ABHD17C: variants seen among roughly 807,000 people sequenced by gnomAD.
ABHD17C encodes the protein abhydrolase domain containing 17C, depalmitoylase, also known as alpha/beta hydrolase domain-containing protein 17C.
ABHD17C carries 11 observed loss-of-function variants against 27.9 expected under a neutral mutation model. The observed-to-expected ratio is 0.39, with a 90% confidence interval of 0.25 to 0.65. The LOEUF (loss-of-function observed/expected upper bound fraction) is 0.65, where lower values mean the gene tolerates loss of function less well. Among genes scored for constraint, ABHD17C ranks in the 30% least tolerant of loss-of-function variants. ABHD17C has a pLI of 0.45. For missense variants in ABHD17C, 280 were observed against 470.2 expected (o/e 0.60, Z 3.74); for synonymous variants, 233 against 209.1 (o/e 1.11, Z -0.98).
intron 1 of ABHD17C, among the ~76,000 whole-genome samples, chr15:80,713,777 C>G (rs1567032533): frequency 6.6e-6 from 1 of 151,844 alleles, no homozygotes; most frequent in Non-Finnish European, 1.5e-5. Context: ...CCATTGCACT[C>G]CAGCCTGAGT....
At chr15:80,754,104 A>G (rs764143830) in intron 2 of ABHD17C, 47 bp from the exon 3 acceptor site, 4 of 1,420,440 alleles carry the variant, frequency 2.8e-6, no homozygotes, top group Non-Finnish European at 4.0e-6. Context: ...ATCTGTGAGC[A>G]TAACTAATGG....
chr15:80,754,663 G>A lies in ABHD17C; in HGVS notation c.*293G>A, dbSNP rs545749026. 23 of 285,800 alleles carry A rather than the reference G, an allele frequency of 8.0e-5. No homozygotes were observed. Among genetic ancestry groups the A allele is most frequent in the African/African-American group, 4.5e-4 (21 of 46,346 alleles). 17.7% of individuals were successfully genotyped at this position (285,800 alleles called of 1,614,324 possible). On this transcript the variant is annotated 3_prime_UTR_variant, in exon 3 of 3. Transcript: ENST00000258884. Reference sequence around the variant, plus strand: ...TTCTAGTGCTGTATAAAGTAGCCTCGCATCTGTTTCTCAACCTTATCCATC... The same window carrying A: ...TTCTAGTGCTGTATAAAGTAGCCTCACATCTGTTTCTCAACCTTATCCATC...
intron 2 of ABHD17C, among the ~76,000 whole-genome samples, chr15:80,751,947 C>T (rs1290233509): frequency 6.6e-6 from 1 of 152,226 alleles, no homozygotes; most frequent in Non-Finnish European, 1.5e-5. Context: ...ATCTGTGTCC[C>T]TCTCCTTAAA....
intron 1 of ABHD17C, chr15:80,704,795 C>T (rs1321126758): frequency 6.6e-6 from 1 of 152,186 alleles, no homozygotes; most frequent in Non-Finnish European, 1.5e-5. Context: ...CTCAGTCTGA[C>T]AAGAGAGCAT....
At chr15:80,713,829 A>G (rs16954090) in intron 1 of ABHD17C, among the ~76,000 whole-genome samples, 2,999 of 151,680 alleles carry the variant, frequency 0.02, 94 homozygotes, top group East Asian at 0.087. Context: ...AACAAAAAAC[A>G]TTGAGGTACA....
At chr15:80,735,520 C>T (rs981846197) in intron 1 of ABHD17C, among the ~76,000 whole-genome samples, 12 of 152,138 alleles carry the variant, frequency 7.9e-5, no homozygotes, top group Admixed American at 4.6e-4. Flanking sequence ...ATCTTGTGTG[C>T]GTTCCCAAGC....
intron 1 of ABHD17C, among the ~76,000 whole-genome samples, chr15:80,729,724 A>G (rs1895030851): frequency 6.6e-6 from 1 of 152,200 alleles, no homozygotes; most frequent in Non-Finnish European, 1.5e-5. Context: ...CGAGGAAAGG[A>G]ACTTGCACGT....
In ABHD17C at chr15:80,717,139, GT is replaced by G. The variant is rs555877315; in HGVS notation, c.590+21126del. ...AGTTATATTTTTATTTTTATTAATAGTTTTTTAAATGACATTTATTTCTGGG... is the reference window on the plus strand; with the variant it reads ...AGTTATATTTTTATTTTTATTAATAGTTTTTAAATGACATTTATTTCTGGG... On this transcript the variant is annotated intron_variant, in intron 1 of 2. Transcript: ENST00000258884. 3.4e-4 allele frequency among the ~76,000 whole-genome samples: 51 copies of G among 151,060 alleles called. 2 individuals carry two copies. In the South Asian group the frequency reaches 0.01, roughly 31 times the overall value.
At chr15:80,712,400 AG>A (rs1377364326) in intron 1 of ABHD17C, among the ~76,000 whole-genome samples, 5 of 152,216 alleles carry the variant, frequency 3.3e-5, no homozygotes, top group Non-Finnish European at 7.3e-5. Flanking sequence ...GTTCCTCTCT[AG>A]GCATGGATGT....
intron 2 of ABHD17C, among the ~76,000 whole-genome samples, 199 bp from the exon 3 acceptor site, chr15:80,753,952 C>T (rs1895398233): frequency 6.6e-6 from 1 of 152,152 alleles, no homozygotes; most frequent in Non-Finnish European, 1.5e-5. Context: ...GTACCTTCCT[C>T]TCAGTTATGC....
intron 1 of ABHD17C, among the ~76,000 whole-genome samples, chr15:80,727,585 TG>T (rs1232172705): frequency 1.3e-5 from 2 of 151,994 alleles, no homozygotes; most frequent in African/African-American, 2.4e-5. Flanking sequence ...CAGCAAGTAT[TG>T]GGTGAGCAAA....
intron 1 of ABHD17C, 70 bp from the exon 2 acceptor site, chr15:80,749,443 C>T (rs984730552): frequency 1.1e-5 from 17 of 1,506,656 alleles, no homozygotes; most frequent in Middle Eastern, 3.8e-4. Flanking sequence ...GTTTAAGAGG[C>T]GGGTTTCTCT....
intron 2 of ABHD17C, among the ~76,000 whole-genome samples, chr15:80,750,255 A>G (rs1399017301): frequency 1.3e-5 from 2 of 152,230 alleles, no homozygotes; most frequent in African/African-American, 4.8e-5. Context: ...TCTTCGGTAA[A>G]TAGCCACAGG....
Position 80,754,746 on chromosome 15 carries a change from A to C in ABHD17C, c.*376A>C, listed in dbSNP as rs1895411883. The C allele has an allele frequency of 5.7e-6, 1 of 174,392 alleles. No individual in the cohort carries two copies. Among genetic ancestry groups the C allele is most frequent in the African/African-American group, 2.4e-5 (1 of 42,148 alleles). The allele number at this position is 174,392 out of a possible 1,614,324, so 10.8% of individuals were successfully genotyped here. A position where few individuals can be genotyped will look rare whatever the true frequency, so the allele number is the denominator to read the frequency against. The stretch of plus-strand genomic sequence containing the variant: ...GCCACCAATGTTCTCGGTATTTCAC[A>C]TGCAGCTCTCTTTCTGCCACTGGAT... On this transcript the variant is annotated 3_prime_UTR_variant, in exon 3 of 3. Coordinates refer to ENST00000258884, the MANE Select transcript of ABHD17C (RefSeq NM_021214.2).
At chr15:80,721,173 G>T in intron 1 of ABHD17C, among the ~76,000 whole-genome samples, 1 of 148,722 alleles carries the variant, frequency 6.7e-6, no homozygotes, top group African/African-American at 2.5e-5. Flanking sequence ...TTATTTTTGG[G>T]ACTGTGAGTT....
intron 1 of ABHD17C, among the ~76,000 whole-genome samples, chr15:80,715,247 C>A (rs369385471): frequency 1.3e-5 from 2 of 152,222 alleles, no homozygotes; most frequent in East Asian, 1.9e-4. Flanking sequence ...AGATTCCTCT[C>A]ACCATTTGGA....
chr15:80,716,516 G>A (rs897406513), intron 1 of ABHD17C, among the ~76,000 whole-genome samples: 2 of 152,078 alleles, frequency 1.3e-5, no homozygotes, highest in Non-Finnish European at 2.9e-5. Context: ...GAAGAGCTAC[G>A]ATCATGTCTA....
At chr15:80,734,275 A>G (rs1331858869) in intron 1 of ABHD17C, among the ~76,000 whole-genome samples, 2 of 152,164 alleles carry the variant, frequency 1.3e-5, no homozygotes, top group African/African-American at 4.8e-5. Context: ...GTGAGCCACC[A>G]TGTCTGGCCT....
intron 2 of ABHD17C, among the ~76,000 whole-genome samples, chr15:80,750,719 A>G (rs542863905): frequency 1.4e-4 from 22 of 152,260 alleles, no homozygotes; most frequent in African/African-American, 4.6e-4. Context: ...CTGCAGATTT[A>G]TAGTGGCGTG....
Sources: gnomAD v4.1 joint callset for allele counts (sites outside exome capture counted in the v4.1 genomes callset) on GRCh38, gnomAD v4.1.1 for gene constraint, MANE v1.5 for transcripts, NCBI Gene and HGNC (gene_info 2026-07-23, HGNC 2026-07-21) for gene names.